Variants in ST8SIA2 observed in about 807,000 individuals in gnomAD.
ST8SIA2 encodes ST8 alpha-N-acetyl-neuraminide alpha-2,8-sialyltransferase 2.
ST8SIA2 carries 22 observed loss-of-function variants against 37.6 expected under a neutral mutation model. That is an observed-to-expected ratio of 0.58 (90% CI 0.42 to 0.83). The LOEUF is 0.83. Ranked by LOEUF, ST8SIA2 falls within the 40% of genes least tolerant of loss-of-function variation. The pLI, the probability that ST8SIA2 is intolerant of heterozygous loss-of-function variation, is 0.00. For synonymous variants in ST8SIA2, 205 were observed against 201.2 expected (o/e 1.02, Z -0.16); for missense variants, 382 against 484.7 (o/e 0.79, Z 1.99).
chr15:92,419,952 G>A (rs954404706), intron 1 of ST8SIA2, among the ~76,000 whole-genome samples: 3 of 152,098 alleles, frequency 2.0e-5, no homozygotes, highest in Non-Finnish European at 4.4e-5. Context: ...TGCAACCTCC[G>A]CCTCCTGAGT....
chr15:92,431,791 C>A (rs1043187104), intron 2 of ST8SIA2, among the ~76,000 whole-genome samples: 1 of 152,164 alleles, frequency 6.6e-6, no homozygotes, highest in African/African-American at 2.4e-5. Flanking sequence ...GTCTAGAAAT[C>A]TGAAGTGACT....
At chr15:92,403,066 T>C (rs2049483283) in intron 1 of ST8SIA2, among the ~76,000 whole-genome samples, 1 of 152,058 alleles carries the variant, frequency 6.6e-6, no homozygotes. Context: ...TGCAAGGAGA[T>C]AGCACATCCC....
intron 5 of ST8SIA2, among the ~76,000 whole-genome samples, chr15:92,450,881 G>A (rs1342819528): frequency 2.0e-5 from 3 of 152,174 alleles, no homozygotes; most frequent in Non-Finnish European, 4.4e-5. Flanking sequence ...GTGTTGGTGA[G>A]GATGTGGAGA....
At chr15:92,424,445 C>A (rs1596237341) in intron 1 of ST8SIA2, among the ~76,000 whole-genome samples, 2 of 152,068 alleles carry the variant, frequency 1.3e-5, no homozygotes, top group South Asian at 2.1e-4. Context: ...AGCAAAAATG[C>A]AGTTTTCAGG....
rs779451884 is a variant in ST8SIA2, at chr15:92,464,431, A to T, written c.*46A>T. 6.2e-7 allele frequency: 1 copy of T among 1,608,606 alleles called. No individual in the cohort carries two copies. Among genetic ancestry groups the T allele is most frequent in the Admixed American group, 1.7e-5 (1 of 60,014 alleles). On this transcript the variant is annotated 3_prime_UTR_variant, in exon 6 of 6. Transcript: ENST00000268164. Reference sequence around the variant, plus strand: ...CAGTGGCTCACATTTCCTGCCAGCTACACCACAGGCAGATGGGAGTCGGGG... The same window carrying T: ...CAGTGGCTCACATTTCCTGCCAGCTTCACCACAGGCAGATGGGAGTCGGGG...
chr15:92,412,726 T>C (rs577704455), intron 1 of ST8SIA2, among the ~76,000 whole-genome samples: 10 of 152,272 alleles, frequency 6.6e-5, no homozygotes, highest in African/African-American at 2.4e-4. Flanking sequence ...GGTGCGATCT[T>C]GGCTCACTGC....
chr15:92,439,307 A>AT (rs558066919), intron 4 of ST8SIA2, among the ~76,000 whole-genome samples: 144 of 152,278 alleles, frequency 9.5e-4, no homozygotes, highest in African/African-American at 3.4e-3. Flanking sequence ...AGAAACTTGA[A>AT]TTTTGTACCT....
At chr15:92,412,704 C>T (rs2049558559) in intron 1 of ST8SIA2, among the ~76,000 whole-genome samples, 1 of 152,204 alleles carries the variant, frequency 6.6e-6, no homozygotes, top group Non-Finnish European at 1.5e-5. Context: ...GTCACCCAGG[C>T]TGGAGTGCAG....
chr15:92,446,567 C>T (rs2049844213), intron 5 of ST8SIA2, among the ~76,000 whole-genome samples: 2 of 152,168 alleles, frequency 1.3e-5, no homozygotes, highest in Admixed American at 6.5e-5. Flanking sequence ...AGGCTCTGTT[C>T]TATACACTAA....
chr15:92,401,185 TC>T (rs2049467976), intron 1 of ST8SIA2, among the ~76,000 whole-genome samples: 1 of 151,738 alleles, frequency 6.6e-6, no homozygotes, highest in African/African-American at 2.4e-5. Flanking sequence ...GCTGGGTGAG[TC>T]AGGTGGCTAT....
In ST8SIA2 at chr15:92,415,621, A is replaced by G. The variant is rs533975834; in HGVS notation, c.99-14428A>G. Among the ~76,000 whole-genome samples, 20 of 152,004 alleles carry G rather than the reference A, an allele frequency of 1.3e-4. 1 individual carries two copies. Among genetic ancestry groups the G allele is most frequent in the Middle Eastern group, 3.4e-3 (1 of 294 alleles). On this transcript the variant is annotated intron_variant, in intron 1 of 5. Coordinates refer to ENST00000268164, the MANE Select transcript of ST8SIA2 (RefSeq NM_006011.4). ...ATACTTCCCAACTCCAGCAATGACT[A>G]TGGTTCACTGTTACCAGATCTTCTG... is the stretch of plus-strand genomic sequence containing the variant.
rs1397393608 is a variant in ST8SIA2, at chr15:92,468,643, T to A, written c.*4258T>A. ...CTTGCCAAGGGCAGGGACTGTGTTTTATTCATCTGTATCCATCACAGCACT... is the reference window on the plus strand; with the variant it reads ...CTTGCCAAGGGCAGGGACTGTGTTTAATTCATCTGTATCCATCACAGCACT... On this transcript the variant is annotated 3_prime_UTR_variant, in exon 6 of 6. Transcript: ENST00000268164. 6.5e-6 allele frequency: 1 copy of A among 152,728 alleles called. No individual in the cohort carries two copies. The highest frequency in any genetic ancestry group is 1.5e-5 in the Non-Finnish European group (1 of 68,064). The allele number at this position is 152,728 out of a possible 1,614,324, so 9.5% of individuals were successfully genotyped here.
At chr15:92,439,303 T>C (rs1283870538) in intron 4 of ST8SIA2, among the ~76,000 whole-genome samples, 2 of 152,208 alleles carry the variant, frequency 1.3e-5, no homozygotes, top group African/African-American at 4.8e-5. Flanking sequence ...ACAGAGAAAC[T>C]TGAATTTTGT....
At chr15:92,414,111 G>A (rs1331734384) in intron 1 of ST8SIA2, among the ~76,000 whole-genome samples, 2 of 152,206 alleles carry the variant, frequency 1.3e-5, no homozygotes, top group African/African-American at 2.4e-5. Context: ...CAGCCTCCCC[G>A]CCTTCTGCAC....
At chr15:92,421,078 T>C (rs2049630110) in intron 1 of ST8SIA2, 1 of 152,234 alleles carries the variant, frequency 6.6e-6, no homozygotes. Flanking sequence ...TGCTGCTTGC[T>C]GTCTGTGATG....
chr15:92,431,754 C>T (rs1002610443), intron 2 of ST8SIA2, among the ~76,000 whole-genome samples: 1 of 152,146 alleles, frequency 6.6e-6, no homozygotes, highest in South Asian at 2.1e-4. Context: ...TAATCCATCC[C>T]CTTTATTTTA....
chr15:92,413,209 T>C (rs1420196840), intron 1 of ST8SIA2, among the ~76,000 whole-genome samples: 1 of 152,176 alleles, frequency 6.6e-6, no homozygotes, highest in Non-Finnish European at 1.5e-5. Context: ...AAAGGCATGT[T>C]AATTGAAACA....
In ST8SIA2 at chr15:92,416,198, G is replaced by A. The variant is rs572654244; in HGVS notation, c.99-13851G>A. Among the ~76,000 whole-genome samples, 4 of 141,360 alleles carry A rather than the reference G, an allele frequency of 2.8e-5. No homozygotes were observed. In the South Asian group the frequency reaches 7.8e-4, roughly 28 times the overall value. 92.7% of individuals were successfully genotyped at this position (141,360 alleles called of 152,430 possible). A position where few individuals can be genotyped will look rare whatever the true frequency, so the allele number is the denominator to read the frequency against. On this transcript the variant is annotated intron_variant, in intron 1 of 5. Transcript: ENST00000268164. ...CTGGCACTCACCCTCAGGTGGACGA[G>A]CTCAAATCTGGAGGCTGGGGGACAC...
Position 92,440,886 on chromosome 15 carries a change from A to T in ST8SIA2, c.548+2276A>T, listed in dbSNP as rs557412143. 4.1e-4 allele frequency among the ~76,000 whole-genome samples: 62 copies of T among 152,350 alleles called. 1 individual carries two copies. The South Asian group carries it at 0.012, about 30-fold the overall frequency. ...ATACGCCTGGGATGGTTTCTCCCAC[A>T]CAACAGGGACACTAAGTGTTAATTC... On this transcript the variant is annotated intron_variant, in intron 4 of 5. Coordinates refer to ENST00000268164, the MANE Select transcript of ST8SIA2 (RefSeq NM_006011.4).
Sources: allele counts gnomAD v4.1 joint callset (sites outside exome capture counted in the v4.1 genomes callset), GRCh38; gene constraint gnomAD v4.1.1; transcripts MANE v1.5; gene names NCBI Gene and HGNC (gene_info 2026-07-23, HGNC 2026-07-21).